AREL1: variants seen among roughly 807,000 people sequenced by gnomAD.
AREL1 encodes apoptosis-resistant E3 ubiquitin protein ligase 1.
A neutral mutation model predicts 99.0 loss-of-function variants in AREL1; 62 were observed. The ratio of observed to expected loss-of-function variants is 0.63; its 90% CI spans 0.51 to 0.77. The LOEUF is 0.77. Ranked by LOEUF, AREL1 falls within the 30% of genes least tolerant of loss-of-function variation. The pLI is 0.00. For missense variants in AREL1, 879 were observed against 1,027.6 expected (o/e 0.86, Z 1.98); for synonymous variants, 380 against 376.5 (o/e 1.01, Z -0.11).
chr14:74,673,439 C>T (rs1278862169), intron 9 of AREL1, among the ~76,000 whole-genome samples: 2 of 152,106 alleles, frequency 1.3e-5, no homozygotes, highest in African/African-American at 2.4e-5. Context: ...TTAGGACCAC[C>T]AGCAAAACTA....
chr14:74,711,415 T>C (rs1188146645), intron 1 of AREL1, among the ~76,000 whole-genome samples: 1 of 138,452 alleles, frequency 7.2e-6, no homozygotes, highest in African/African-American at 2.7e-5. Context: ...GGCACACACA[T>C]GCCTGCAGTC....
At position 74,684,596 on chromosome 14, in the gene AREL1, T is replaced by C; in HGVS notation, c.101A>G (p.Gln34Arg). ...ELAARVVSFL[Q>R]NEDRERRGDR... The stretch of plus-strand genomic sequence containing the variant: ...CCCTCGGCGCTCGCGGTCCTCATTC[T>C]GGAGGAAGCTGACTACACGTGCGGC... The change falls in exon 4 of 20, where the codon CAG becomes CGG. Residue 34 changes from glutamine to arginine, a missense_variant. Physicochemically the swap from Gln to Arg is conservative, Grantham distance 43. Transcript: ENST00000356357. 1.9e-6 allele frequency: 3 copies of C among 1,614,186 alleles called. 1 individual carries two copies. In the South Asian group the frequency reaches 3.3e-5, roughly 18 times the overall value.
intron 15 of AREL1, 71 bp from the exon 16 acceptor site, chr14:74,667,665 G>C: frequency 6.6e-7 from 1 of 1,520,954 alleles, no homozygotes; most frequent in Admixed American, 2.1e-5. Flanking sequence ...CATCTGCCTG[G>C]ATGTTTTATA....
At chr14:74,669,554 G>C in intron 15 of AREL1, 95 bp downstream of exon 15, 1 of 1,464,668 alleles carries the variant, frequency 6.8e-7, no homozygotes, top group Non-Finnish European at 9.2e-7. Context: ...CACAAATATG[G>C]AACATTTCCA....
At chr14:74,710,213 A>T (rs368595105) in intron 1 of AREL1, among the ~76,000 whole-genome samples, 1 of 152,214 alleles carries the variant, frequency 6.6e-6, no homozygotes, top group South Asian at 2.1e-4. Flanking sequence ...ATTGCAATAA[A>T]ATTACAATGC....
chr14:74,674,195 C>G, intron 8 of AREL1, 84 bp from the exon 9 acceptor site: 1 of 1,134,256 alleles, frequency 8.8e-7, no homozygotes, highest in Admixed American at 2.0e-5. Context: ...ATCATAGTCC[C>G]TATTTACATT....
In AREL1 at chr14:74,677,794, C is replaced by G. The variant is rs556403053; in HGVS notation, c.482-1042G>C. On this transcript the variant is annotated intron_variant, in intron 5 of 19. Coordinates refer to ENST00000356357, the MANE Select transcript of AREL1 (RefSeq NM_001039479.2). ...GGAATTACAGGCGTAAGCCACGGTGCCCAGCTAACCCTGTCTCTTTATTAA... is the reference window on the plus strand; with the variant it reads ...GGAATTACAGGCGTAAGCCACGGTGGCCAGCTAACCCTGTCTCTTTATTAA... Among the ~76,000 whole-genome samples, 322 of 150,458 alleles carry G rather than the reference C, an allele frequency of 2.1e-3. 1 individual carries two copies. The highest frequency in any genetic ancestry group is 4.0e-3 in the Non-Finnish European group (270 of 67,736).
chr14:74,687,627 T>C (rs2089777118), intron 2 of AREL1, among the ~76,000 whole-genome samples: 2 of 152,176 alleles, frequency 1.3e-5, no homozygotes, highest in South Asian at 4.1e-4. Flanking sequence ...GGACAAGTCA[T>C]TTAATCTTTG....
intron 5 of AREL1, among the ~76,000 whole-genome samples, chr14:74,682,020 AT>A: frequency 6.6e-6 from 1 of 152,262 alleles, no homozygotes; most frequent in Non-Finnish European, 1.5e-5. Context: ...TTATCAAAAA[AT>A]AAAAAGTTTA....
chr14:74,679,107 C>G (rs2089567457), intron 5 of AREL1, among the ~76,000 whole-genome samples: 2 of 152,100 alleles, frequency 1.3e-5, no homozygotes, highest in African/African-American at 4.8e-5. Flanking sequence ...ACTATGTTGC[C>G]CAGGCCGGTC....
chr14:74,676,255 T>C lies in AREL1; in HGVS notation c.718A>G (p.Thr240Ala). 6.2e-7 allele frequency: 1 copy of C among 1,614,208 alleles called. No individual in the cohort carries two copies. ...FEKSVTSNRQTFQVFLRLTLH... is the reference protein window; with the variant it reads ...FEKSVTSNRQAFQVFLRLTLH... ...GTGAGTCGCAAGAACACCTGGAAAGTCTGCCTGTTGGATGTTACTGATTTC... is the reference window on the plus strand; with the variant it reads ...GTGAGTCGCAAGAACACCTGGAAAGCCTGCCTGTTGGATGTTACTGATTTC... Residue 240 changes from threonine (T) to alanine (A), a missense_variant, in exon 7 of 20, where the codon ACT (threonine) becomes GCT (alanine). Transcript: ENST00000356357.
chr14:74,677,047 C>T (rs1478846922), intron 5 of AREL1, among the ~76,000 whole-genome samples: 3 of 151,980 alleles, frequency 2.0e-5, no homozygotes, highest in African/African-American at 7.2e-5. Context: ...GATCCGCCCG[C>T]CTTGGCCTCC....
At chr14:74,709,090 A>G (rs1312328173) in intron 1 of AREL1, among the ~76,000 whole-genome samples, 1 of 152,210 alleles carries the variant, frequency 6.6e-6, no homozygotes, top group African/African-American at 2.4e-5. Context: ...AAAAGAAACC[A>G]AAGAAAAATA....
chr14:74,679,378 T>C (rs963965653), intron 5 of AREL1, among the ~76,000 whole-genome samples: 1 of 152,082 alleles, frequency 6.6e-6, no homozygotes, highest in Non-Finnish European at 1.5e-5. Flanking sequence ...GCCATGACTA[T>C]GCTACTGCAC....
Position 74,685,689 on chromosome 14 carries a change from G to A in AREL1, c.-45-29C>T, listed in dbSNP as rs531216390. The A allele has an allele frequency of 1.1e-5, 18 of 1,592,668 alleles. No homozygotes were observed. The East Asian group carries it at 3.8e-4, about 34-fold the overall frequency. ...TTAAAAGAAAACTTGTTTAGTTTTT[G>A]TCTCCAACTCTGCCTCATAGCTATC... On this transcript the variant is annotated intron_variant, in intron 2 of 19. Coordinates refer to ENST00000356357, the MANE Select transcript of AREL1 (RefSeq NM_001039479.2).
At chr14:74,669,871 T>C (rs915290634) in intron 14 of AREL1, 76 bp downstream of exon 14, 8 of 1,580,212 alleles carry the variant, frequency 5.1e-6, no homozygotes, top group Non-Finnish European at 6.0e-6. Flanking sequence ...TTAAAAATTA[T>C]TTACAAGCCC....
At position 74,672,881 on chromosome 14, in the gene AREL1, G is replaced by A. The variant is rs1292456057; in HGVS notation, c.1372C>T (p.Pro458Ser). 1.9e-6 allele frequency: 3 copies of A among 1,614,194 alleles called. No homozygotes were observed. The highest frequency in any genetic ancestry group is 2.5e-6 in the Non-Finnish European group (3 of 1,180,020). Reference sequence around the variant, plus strand: ...ACCTTCAGGGTGACTTTGGAATGTGGTCTTTTCATATGTACCTGCCGAAGC... The same window carrying A: ...ACCTTCAGGGTGACTTTGGAATGTGATCTTTTCATATGTACCTGCCGAAGC... ...RELRQVHMKR[P>S]HSKVTLKVSR... is the part of the protein sequence containing the mutation. Residue 458 changes from proline to serine, a missense_variant, in exon 11 of 20, where the codon CCA becomes TCA. Transcript: ENST00000356357.
chr14:74,694,698 G>T (rs1698495021), intron 1 of AREL1, among the ~76,000 whole-genome samples: 1 of 152,000 alleles, frequency 6.6e-6, no homozygotes, highest in African/African-American at 2.4e-5. Context: ...ATAAGAAAAT[G>T]GTATAAAGAG....
intron 12 of AREL1, 82 bp from the exon 13 acceptor site, chr14:74,670,953 T>C: frequency 9.4e-7 from 1 of 1,068,504 alleles, no homozygotes; most frequent in South Asian, 1.4e-5. Context: ...CATTTTATAC[T>C]CTCCACATTC....
Sources: allele counts gnomAD v4.1 joint callset (sites outside exome capture counted in the v4.1 genomes callset), GRCh38; gene constraint gnomAD v4.1.1; transcripts MANE v1.5; gene names NCBI Gene and HGNC (gene_info 2026-07-23, HGNC 2026-07-21).